The following DCDC2C variants were observed in gnomAD, a reference collection of about 807,000 sequenced individuals.
DCDC2C encodes the protein doublecortin domain containing 2C.
Under a neutral mutation model 45.0 loss-of-function variants are expected in DCDC2C, and 44 were observed. The observed-to-expected ratio is 0.98, with a 90% CI of 0.77 to 1.26. DCDC2C has a LOEUF of 1.26. Ranked by LOEUF, DCDC2C falls within the 50% of genes most tolerant of loss-of-function variation. The pLI, the probability that DCDC2C is intolerant of heterozygous loss-of-function variation, is 0.00. For synonymous variants in DCDC2C, 187 were observed against 178.8 expected (o/e 1.05, Z -0.37); for missense variants, 447 against 468.9 (o/e 0.95, Z 0.43).
chr2:3,782,236 C>T (rs73910369), intron 9 of DCDC2C, among the ~76,000 whole-genome samples: 3,379 of 152,218 alleles, frequency 0.022, 134 homozygotes, highest in African/African-American at 0.076. Flanking sequence ...ATCCTCCTCA[C>T]GCCACAGCTC....
chr2:3,732,723 C>G (rs1668910780), intron 3 of DCDC2C, among the ~76,000 whole-genome samples: 1 of 152,044 alleles, frequency 6.6e-6, no homozygotes, highest in South Asian at 2.1e-4. Context: ...CTCTTGTTAG[C>G]CAGGAGGTGT....
intron 6 of DCDC2C, among the ~76,000 whole-genome samples, chr2:3,767,490 C>T (rs1670044867): frequency 6.6e-6 from 1 of 152,240 alleles, no homozygotes; most frequent in African/African-American, 2.4e-5. Context: ...AGGCCACCTA[C>T]AGTTAAGAAG....
At chr2:3,840,957 T>C (rs1439946952) in intron 10 of DCDC2C, among the ~76,000 whole-genome samples, 1 of 152,212 alleles carries the variant, frequency 6.6e-6, no homozygotes, top group Non-Finnish European at 1.5e-5. Flanking sequence ...CTCATGACTA[T>C]GCATGGAGCC....
intron 3 of DCDC2C, among the ~76,000 whole-genome samples, chr2:3,732,796 G>A (rs1668912775): frequency 6.6e-6 from 1 of 152,144 alleles, no homozygotes; most frequent in Non-Finnish European, 1.5e-5. Flanking sequence ...GGAGGATGGG[G>A]TGAGGATCTG....
chr2:3,706,228 G>A (rs746526888), intron 1 of DCDC2C, among the ~76,000 whole-genome samples: 2 of 152,204 alleles, frequency 1.3e-5, no homozygotes, highest in Non-Finnish European at 2.9e-5. Context: ...ACTTTGAAGT[G>A]AAGCCTGTTG....
At chr2:3,767,954 TC>T (rs1670060214) in intron 7 of DCDC2C, 74 bp downstream of exon 7, 1 of 1,359,904 alleles carries the variant, frequency 7.4e-7, no homozygotes, top group Non-Finnish European at 9.6e-7. Context: ...TTTTTTTTTT[TC>T]AGAGAAATCT....
At chr2:3,778,543 G>T (rs1670418116) in intron 8 of DCDC2C, among the ~76,000 whole-genome samples, 1 of 152,154 alleles carries the variant, frequency 6.6e-6, no homozygotes, top group Non-Finnish European at 1.5e-5. Context: ...AATTACAAAA[G>T]CACCTGCTGA....
intron 2 of DCDC2C, among the ~76,000 whole-genome samples, chr2:3,715,022 ACT>A (rs1230227788): frequency 2.0e-5 from 3 of 152,212 alleles, no homozygotes; most frequent in East Asian, 1.9e-4. Flanking sequence ...GAGATTAACC[ACT>A]GTTTTTCCAT....
intron 2 of DCDC2C, among the ~76,000 whole-genome samples, chr2:3,717,082 A>C (rs994722299): frequency 2.0e-5 from 3 of 151,426 alleles, no homozygotes; most frequent in Non-Finnish European, 4.4e-5. Flanking sequence ...TTTTTCTTTT[A>C]TTTGTGGGAC....
chr2:3,757,318 C>T (rs574874563), intron 6 of DCDC2C, among the ~76,000 whole-genome samples: 3 of 152,194 alleles, frequency 2.0e-5, no homozygotes, highest in East Asian at 1.9e-4. Flanking sequence ...AAAATACAGG[C>T]GTGCTCTTCA....
At chr2:3,741,479 G>A (rs73144808) in intron 3 of DCDC2C, among the ~76,000 whole-genome samples, 2,696 of 152,194 alleles carry the variant, frequency 0.018, 76 homozygotes, top group African/African-American at 0.062. Context: ...CAACTGTGGG[G>A]TTGGAGCCCC....
At chr2:3,787,212 C>A (rs932893204) in intron 10 of DCDC2C, among the ~76,000 whole-genome samples, 21 of 152,170 alleles carry the variant, frequency 1.4e-4, no homozygotes. Flanking sequence ...TTGTTTGGCA[C>A]ACAGGTTACT....
At chr2:3,805,073 G>A (rs17018095) in intron 10 of DCDC2C, among the ~76,000 whole-genome samples, 27,261 of 152,148 alleles carry the variant, frequency 0.18, 2,571 homozygotes, top group East Asian at 0.24. Flanking sequence ...TAATTGAAAT[G>A]TTGCCTTCCC....
At position 3,844,829 on chromosome 2, in the gene DCDC2C, C is replaced by T. The variant is rs114409613; in HGVS notation, c.1066-2325C>T. On this transcript the variant is annotated intron_variant, in intron 10 of 10. Transcript: ENST00000399143. ...ATCATTGCCCGCTGGGGCCGACCTT[C>T]CCTTCTTACACTGTCAACCCACACT... Among the ~76,000 whole-genome samples, 1,490 of 152,296 alleles carry T rather than the reference C, an allele frequency of 9.8e-3. 31 individuals are homozygous for T. The highest frequency in any genetic ancestry group is 0.033 in the African/African-American group (1,374 of 41,556).
At chr2:3,793,548 C>T (rs1670879577) in intron 10 of DCDC2C, among the ~76,000 whole-genome samples, 1 of 152,206 alleles carries the variant, frequency 6.6e-6, no homozygotes, top group African/African-American at 2.4e-5. Flanking sequence ...GCCAGAAACA[C>T]CACTGGAAAT....
intron 9 of DCDC2C, among the ~76,000 whole-genome samples, chr2:3,783,974 C>T (rs1457330896): frequency 2.0e-5 from 3 of 152,132 alleles, no homozygotes; most frequent in Non-Finnish European, 4.4e-5. Flanking sequence ...ACACAAGTCT[C>T]ATAAATCATT....
In DCDC2C at chr2:3,796,479, C is replaced by G. The variant is rs1039369305; in HGVS notation, c.1065+11379C>G. Among the ~76,000 whole-genome samples the G allele has an allele frequency of 3.6e-4, 41 of 113,738 alleles. 6 individuals carry two copies. The highest frequency in any genetic ancestry group is 1.5e-3 in the African/African-American group (40 of 26,964). 74.6% of individuals were successfully genotyped at this position (113,738 alleles called of 152,430 possible). A position where few individuals can be genotyped will look rare whatever the true frequency, so the allele number is the denominator to read the frequency against. ...AAAGGGAATGCTCCCAGTTTTTGCC[C>G]ATTCAGTATGATATTGGCTGTGGGT... On this transcript the variant is annotated intron_variant, in intron 10 of 10. Transcript: ENST00000399143.
At chr2:3,742,887 G>A (rs938439847) in intron 4 of DCDC2C, among the ~76,000 whole-genome samples, 10 of 152,332 alleles carry the variant, frequency 6.6e-5, no homozygotes, top group Non-Finnish European at 1.2e-4. Context: ...TTGCTGTCTT[G>A]CAGCCAGTGG....
At chr2:3,744,981 T>G (rs572561412) in intron 4 of DCDC2C, among the ~76,000 whole-genome samples, 2 of 151,510 alleles carry the variant, frequency 1.3e-5, no homozygotes, top group East Asian at 1.9e-4. Flanking sequence ...GGAAGAAATC[T>G]ATTATTTATT....
Sources: gnomAD v4.1 joint callset for allele counts (sites outside exome capture counted in the v4.1 genomes callset) on GRCh38, gnomAD v4.1.1 for gene constraint, MANE v1.5 for transcripts, NCBI Gene and HGNC (gene_info 2026-07-23, HGNC 2026-07-21) for gene names.